LCLAT1: variants seen among roughly 807,000 people sequenced by gnomAD.
LCLAT1 encodes the protein 1-AGP acyltransferase 8.
A neutral mutation model predicts 30.7 loss-of-function variants in LCLAT1; 11 were observed. That is an observed-to-expected ratio of 0.36 (90% CI 0.23 to 0.59). The LOEUF (loss-of-function observed/expected upper bound fraction) is 0.59. LCLAT1 is among the 20% of genes least tolerant of loss of function. LCLAT1 has a pLI of 0.77. For synonymous variants in LCLAT1, 155 were observed against 151.3 expected (o/e 1.02, Z -0.18); for missense variants, 402 against 458.6 (o/e 0.88, Z 1.13).
intron 1 of LCLAT1, among the ~76,000 whole-genome samples, chr2:30,507,935 C>A (rs1268845432): frequency 6.6e-6 from 1 of 152,182 alleles, no homozygotes; most frequent in Non-Finnish European, 1.5e-5. Context: ...TCATTTTTCT[C>A]TGCAACCTCG....
chr2:30,640,169 TC>T lies in LCLAT1; in HGVS notation c.683del (p.Pro228LeufsTer25). The T allele has an allele frequency of 6.2e-7, 1 of 1,614,008 alleles. No individual in the cohort carries two copies. The highest frequency in any genetic ancestry group is 1.1e-5 in the South Asian group (1 of 91,042). ...TCACTGTGGCGTATCCTCACAACATTCCTCAATCAGAGAAGCACCTCCTCCA... is the reference window on the plus strand; with the variant it reads ...TCACTGTGGCGTATCCTCACAACATTCTCAATCAGAGAAGCACCTCCTCCA... ...DITVAYPHNIPQSEKHLLQGD... is the reference protein window; with the variant it reads ...DITVAYPHNIXQSEKHLLQGD... On this transcript the variant is annotated frameshift_variant, in exon 6 of 6. Transcript: ENST00000379509. LOFTEE classifies it high-confidence loss of function.
intron 4 of LCLAT1, among the ~76,000 whole-genome samples, chr2:30,562,690 A>G (rs1381941831): frequency 6.6e-6 from 1 of 152,172 alleles, no homozygotes; most frequent in Non-Finnish European, 1.5e-5. Context: ...GCCTCAGAAT[A>G]TATTTTAAAA....
chr2:30,546,019 G>C (rs1044596697), intron 3 of LCLAT1, among the ~76,000 whole-genome samples: 6 of 152,092 alleles, frequency 3.9e-5, no homozygotes, highest in Non-Finnish European at 5.9e-5. Flanking sequence ...TATAATTCTG[G>C]AATTCTAAAG....
In LCLAT1 at chr2:30,584,634, C is replaced by T. The variant is rs75883418; in HGVS notation, c.628+16458C>T. ...ATTGTCTGTGTATAATTAGACAGTGCTTTCTAAGTAGCAAAACTTGGTTGT... is the reference window on the plus strand; with the variant it reads ...ATTGTCTGTGTATAATTAGACAGTGTTTTCTAAGTAGCAAAACTTGGTTGT... On this transcript the variant is annotated intron_variant, in intron 5 of 5. Transcript: ENST00000379509. 4.1e-3 allele frequency among the ~76,000 whole-genome samples: 629 copies of T among 152,258 alleles called. 1 individual carries two copies. Among genetic ancestry groups the T allele is most frequent in the Middle Eastern group, 0.014 (4 of 294 alleles).
chr2:30,622,286 A>G (rs1379778706), intron 5 of LCLAT1, among the ~76,000 whole-genome samples: 1 of 152,186 alleles, frequency 6.6e-6, no homozygotes, highest in African/African-American at 2.4e-5. Flanking sequence ...AGACCAGCCT[A>G]ACCCTGACTT....
chr2:30,621,926 A>G (rs1261790492), intron 5 of LCLAT1, among the ~76,000 whole-genome samples: 1 of 152,210 alleles, frequency 6.6e-6, no homozygotes, highest in African/African-American at 2.4e-5. Flanking sequence ...GATGGTGAAC[A>G]GGGAGTGCAG....
At chr2:30,638,600 G>A (rs1331214050) in intron 5 of LCLAT1, among the ~76,000 whole-genome samples, 1 of 152,230 alleles carries the variant, frequency 6.6e-6, no homozygotes, top group Non-Finnish European at 1.5e-5. Flanking sequence ...AACAAGCCGT[G>A]TGCCCTTGGG....
intron 1 of LCLAT1, chr2:30,489,051 TG>T (rs1348063794): frequency 6.6e-6 from 1 of 152,208 alleles, no homozygotes; most frequent in East Asian, 1.9e-4. Flanking sequence ...GACCTCATCC[TG>T]GTTTAGAGTT....
chr2:30,584,046 C>T (rs2148469334), intron 5 of LCLAT1, among the ~76,000 whole-genome samples: 1 of 152,082 alleles, frequency 6.6e-6, no homozygotes, highest in Non-Finnish European at 1.5e-5. Flanking sequence ...CTCAGCAGGC[C>T]CTGGTGTGTG....
rs138878745 is a variant in LCLAT1 at position 30,593,333 on chromosome 2, G to A, written c.628+25157G>A. Among the ~76,000 whole-genome samples, 45 of 152,130 alleles carry A rather than the reference G, an allele frequency of 3.0e-4. 1 individual carries two copies. The East Asian group carries it at 6.6e-3, about 22-fold the overall frequency. On this transcript the variant is annotated intron_variant, in intron 5 of 5. Coordinates refer to ENST00000379509, the MANE Select transcript of LCLAT1 (RefSeq NM_001002257.3). ...CCGTTGATAGACAGGTTCTAAGTCC[G>A]TATCTTGGCTGTTGTGAATAGTGCT...
chr2:30,512,132 G>C (rs1414802591), intron 1 of LCLAT1, among the ~76,000 whole-genome samples: 1 of 152,014 alleles, frequency 6.6e-6, no homozygotes, highest in Non-Finnish European at 1.5e-5. Flanking sequence ...AGCACAATTA[G>C]ATATTTCATC....
intron 1 of LCLAT1, among the ~76,000 whole-genome samples, chr2:30,457,411 C>T (rs1385269320): frequency 6.6e-6 from 1 of 152,204 alleles, no homozygotes; most frequent in Admixed American, 6.5e-5. Flanking sequence ...TTCTTGGTTA[C>T]TACTCTGTAG....
intron 4 of LCLAT1, among the ~76,000 whole-genome samples, chr2:30,565,443 A>G (rs946269884): frequency 6.6e-6 from 1 of 152,172 alleles, no homozygotes; most frequent in African/African-American, 2.4e-5. Context: ...CTCTTCTAAA[A>G]AATACCTTCC....
intron 1 of LCLAT1, among the ~76,000 whole-genome samples, chr2:30,520,451 A>C (rs1389538913): frequency 6.6e-6 from 1 of 152,216 alleles, no homozygotes; most frequent in African/African-American, 2.4e-5. Context: ...AGCGTAGTGT[A>C]ACATTTCAGA....
chr2:30,632,352 CCATGGGA>C (rs557835203), intron 5 of LCLAT1, among the ~76,000 whole-genome samples: 154 of 152,238 alleles, frequency 1.0e-3, no homozygotes, highest in South Asian at 2.3e-3. Context: ...ATTCTGAATG[CCATGGGA>C]CAACTTAAAA....
At chr2:30,529,776 C>T (rs1441908757) in intron 2 of LCLAT1, among the ~76,000 whole-genome samples, 1 of 152,196 alleles carries the variant, frequency 6.6e-6, no homozygotes, top group Non-Finnish European at 1.5e-5. Flanking sequence ...CACTGTTGCT[C>T]TTAACAAAGT....
chr2:30,534,295 C>T (rs1356394444), intron 3 of LCLAT1, among the ~76,000 whole-genome samples: 1 of 151,088 alleles, frequency 6.6e-6, no homozygotes, highest in Admixed American at 6.6e-5. Flanking sequence ...GAGTCTCTCT[C>T]TGTCGCTCAG....
chr2:30,476,631 T>C, intron 1 of LCLAT1: 1 of 417,166 alleles, frequency 2.4e-6, no homozygotes, highest in Non-Finnish European at 4.7e-6. Context: ...GATTCTACCA[T>C]TATGGTGAGT....
At chr2:30,468,619 C>G (rs1682603805) in intron 1 of LCLAT1, among the ~76,000 whole-genome samples, 1 of 152,074 alleles carries the variant, frequency 6.6e-6, no homozygotes, top group African/African-American at 2.4e-5. Context: ...TGTTGTGCCA[C>G]CACCACTGCT....
Sources: gnomAD v4.1 joint callset for allele counts (sites outside exome capture counted in the v4.1 genomes callset) on GRCh38, gnomAD v4.1.1 for gene constraint, MANE v1.5 for transcripts, NCBI Gene and HGNC (gene_info 2026-07-23, HGNC 2026-07-21) for gene names.